The following SCAPER variants were observed in gnomAD, a reference collection of about 807,000 sequenced individuals.
SCAPER encodes S-phase cyclin A associated protein in the ER.
Under a neutral mutation model 182.2 loss-of-function variants are expected in SCAPER, and 98 were observed. The observed-to-expected ratio is 0.54, with a 90% CI of 0.46 to 0.64. SCAPER has a LOEUF of 0.64. Ranked by LOEUF, SCAPER falls within the 30% of genes least tolerant of loss-of-function variation. The pLI is 0.00. For synonymous variants in SCAPER, 605 were observed against 564.6 expected, an observed-to-expected ratio of 1.07 and a Z score of -1.01; for missense variants, 1,432 against 1,690.0, an observed-to-expected ratio of 0.85 and a Z score of 2.68.
chr15:76,473,272 A>T (rs1368942619), intron 24 of SCAPER, among the ~76,000 whole-genome samples: 4 of 152,216 alleles, frequency 2.6e-5, no homozygotes, highest in Non-Finnish European at 5.9e-5. Context: ...GGAGTTTGAA[A>T]GTTGTTGTAC....
chr15:76,425,510 C>T (rs1398455686), intron 26 of SCAPER, among the ~76,000 whole-genome samples: 4 of 152,138 alleles, frequency 2.6e-5, no homozygotes, highest in Non-Finnish European at 5.9e-5. Flanking sequence ...TCTAGTTAGC[C>T]ATTCGTCTAA....
intron 23 of SCAPER, among the ~76,000 whole-genome samples, chr15:76,538,414 T>G (rs1446509923): frequency 1.3e-5 from 2 of 150,768 alleles, no homozygotes; most frequent in Admixed American, 1.3e-4. Flanking sequence ...ATGTCCTTTG[T>G]AGGGACATGG....
chr15:76,544,415 T>G (rs1382848087), intron 23 of SCAPER, among the ~76,000 whole-genome samples: 1 of 152,124 alleles, frequency 6.6e-6, no homozygotes, highest in African/African-American at 2.4e-5. Context: ...CAAATGTCTA[T>G]CAACAAAATG....
chr15:76,750,787 T>C (rs548191341), intron 15 of SCAPER, among the ~76,000 whole-genome samples: 4 of 151,838 alleles, frequency 2.6e-5, no homozygotes, highest in Non-Finnish European at 5.9e-5. Flanking sequence ...AAATATCATA[T>C]TCAATGGTAA....
At chr15:76,571,838 C>A (rs2047453064) in intron 23 of SCAPER, among the ~76,000 whole-genome samples, 1 of 152,132 alleles carries the variant, frequency 6.6e-6, no homozygotes, top group South Asian at 2.1e-4. Flanking sequence ...AATTCCTAGA[C>A]TGAAATCATA....
chr15:76,644,313 C>T (rs903071634), intron 21 of SCAPER, among the ~76,000 whole-genome samples: 3 of 152,050 alleles, frequency 2.0e-5, no homozygotes, highest in Non-Finnish European at 4.4e-5. Context: ...TGACTCTTCT[C>T]ATTAATCTTT....
intron 5 of SCAPER, among the ~76,000 whole-genome samples, chr15:76,824,609 T>A (rs2067843120): frequency 6.6e-6 from 1 of 152,240 alleles, no homozygotes; most frequent in African/African-American, 2.4e-5. Flanking sequence ...GTTTTTTGAA[T>A]GTTACTACTG....
At chr15:76,618,847 C>G (rs2051743023) in intron 22 of SCAPER, among the ~76,000 whole-genome samples, 1 of 152,008 alleles carries the variant, frequency 6.6e-6, no homozygotes, top group Non-Finnish European at 1.5e-5. Flanking sequence ...CCTTAAATGG[C>G]CTTTATTATT....
chr15:76,365,823 A>G (rs1404795678), intron 29 of SCAPER, among the ~76,000 whole-genome samples: 2 of 152,152 alleles, frequency 1.3e-5, no homozygotes, highest in Non-Finnish European at 2.9e-5. Context: ...GTTTGAATAG[A>G]TGATCTCTGA....
intron 23 of SCAPER, among the ~76,000 whole-genome samples, chr15:76,535,175 C>G (rs2044024106): frequency 6.6e-6 from 1 of 152,048 alleles, no homozygotes; most frequent in South Asian, 2.1e-4. Context: ...TTTTCATGCC[C>G]ATGACACAAT....
intron 21 of SCAPER, among the ~76,000 whole-genome samples, chr15:76,642,397 A>G (rs955935983): frequency 1.3e-5 from 2 of 152,242 alleles, no homozygotes; most frequent in African/African-American, 4.8e-5. Context: ...GTTTAAAACT[A>G]GTAGAAAGTT....
At chr15:76,465,303 G>A (rs1399678536) in intron 25 of SCAPER, among the ~76,000 whole-genome samples, 2 of 152,080 alleles carry the variant, frequency 1.3e-5, no homozygotes, top group Non-Finnish European at 2.9e-5. Flanking sequence ...CTGACAGAAG[G>A]GGCAAGGCAG....
At chr15:76,444,033 G>A (rs958712919) in intron 25 of SCAPER, among the ~76,000 whole-genome samples, 4 of 152,188 alleles carry the variant, frequency 2.6e-5, no homozygotes, top group African/African-American at 7.2e-5. Context: ...TTATGAGTGC[G>A]TTTTGAGAAG....
intron 5 of SCAPER, among the ~76,000 whole-genome samples, chr15:76,825,404 C>T (rs1408496075): frequency 6.6e-6 from 1 of 152,172 alleles, no homozygotes; most frequent in Non-Finnish European, 1.5e-5. Context: ...ACCTCTCCTC[C>T]TACGGGCCGT....
chr15:76,418,011 C>T (rs1321439343), intron 26 of SCAPER, among the ~76,000 whole-genome samples: 7 of 151,770 alleles, frequency 4.6e-5, no homozygotes, highest in Admixed American at 2.6e-4. Context: ...AGCAAGACTC[C>T]GTCTCAAAAA....
chr15:76,736,253 T>A (rs1279124700), intron 15 of SCAPER, among the ~76,000 whole-genome samples: 1 of 152,240 alleles, frequency 6.6e-6, no homozygotes, highest in Non-Finnish European at 1.5e-5. Flanking sequence ...ATTCGAGCCA[T>A]TAGCAAGTTA....
chr15:76,833,410 C>T (rs540680584), intron 5 of SCAPER, among the ~76,000 whole-genome samples: 2 of 152,188 alleles, frequency 1.3e-5, no homozygotes, highest in East Asian at 3.9e-4. Context: ...ACAATAAGTG[C>T]CACCATAAGA....
rs559934254 is a variant in SCAPER at position 76,701,665 on chromosome 15, T to A, written c.2508+93A>T. 5 of 946,574 alleles carry A rather than the reference T, an allele frequency of 5.3e-6. No homozygotes were observed. The South Asian group carries it at 7.6e-5, about 14-fold the overall frequency. The allele number at this position is 946,574 out of a possible 1,614,324, so 58.6% of individuals were successfully genotyped here. ...TGCTAAATATAGTTTTAAATAATCA[T>A]AGAAATAAATACAAACACGGAATTC... On this transcript the variant is annotated intron_variant, in intron 20 of 31. Coordinates refer to ENST00000563290, the MANE Select transcript of SCAPER (RefSeq NM_020843.4).
At chr15:76,712,897 G>T (rs1181985611) in intron 17 of SCAPER, among the ~76,000 whole-genome samples, 1 of 152,134 alleles carries the variant, frequency 6.6e-6, no homozygotes, top group East Asian at 1.9e-4. Flanking sequence ...GGGACAATTT[G>T]ATTTCCTCTT....
Sources: allele counts gnomAD v4.1 joint callset (sites outside exome capture counted in the v4.1 genomes callset), GRCh38; gene constraint gnomAD v4.1.1; transcripts MANE v1.5; gene names NCBI Gene and HGNC (gene_info 2026-07-23, HGNC 2026-07-21).